SHTN1: variants seen among roughly 807,000 people sequenced by gnomAD.
The protein encoded by SHTN1 is shootin 1.
A neutral mutation model predicts 83.1 loss-of-function variants in SHTN1; 42 were observed. The ratio of observed to expected loss-of-function variants is 0.51; its 90% CI spans 0.39 to 0.65. The LOEUF (loss-of-function observed/expected upper bound fraction) is 0.65, where lower values mean the gene tolerates loss of function less well. SHTN1 is among the 30% of genes least tolerant of loss of function. The probability of loss-of-function intolerance (pLI) is 0.00; values close to 1 mark genes in which losing one functional copy is unlikely to be tolerated. For missense variants in SHTN1, 622 were observed against 737.8 expected, an observed-to-expected ratio of 0.84 and a Z score of 1.82; for synonymous variants, 224 against 247.7, an observed-to-expected ratio of 0.90 and a Z score of 0.90.
intron 16 of SHTN1, among the ~76,000 whole-genome samples, chr10:116,891,584 T>C (rs1303340613): frequency 1.3e-5 from 2 of 152,252 alleles, no homozygotes; most frequent in African/African-American, 4.8e-5. Flanking sequence ...CCTTTTATAT[T>C]TTCTCTGGTG....
intron 1 of SHTN1, among the ~76,000 whole-genome samples, chr10:117,094,321 C>A (rs1853476538): frequency 6.6e-6 from 1 of 152,178 alleles, no homozygotes; most frequent in African/African-American, 2.4e-5. Flanking sequence ...ATTGATATAT[C>A]ATCAGCACTG....
At chr10:116,971,353 T>C (rs1470268069) in intron 2 of SHTN1, among the ~76,000 whole-genome samples, 2 of 152,248 alleles carry the variant, frequency 1.3e-5, no homozygotes, top group African/African-American at 2.4e-5. Context: ...ATATAGTCTG[T>C]AGTTTCAGCT....
In SHTN1 at chr10:117,097,028, T is replaced by TACAC. The variant is rs1472242175; in HGVS notation, c.-189+29278_-189+29279insGTGT. 7.0e-3 allele frequency among the ~76,000 whole-genome samples: 687 copies of TACAC among 98,532 alleles called. 23 individuals carry two copies. The highest frequency in any genetic ancestry group is 0.068 in the Admixed American group (626 of 9,228). 64.6% of individuals were successfully genotyped at this position (98,532 alleles called of 152,430 possible). ...GCACGCGCGCGCACACACACACACA[T>TACAC]AGACACACACACACACACACACACA... is the stretch of plus-strand genomic sequence containing the variant. On this transcript the variant is annotated intron_variant, in intron 1 of 17. Transcript: ENST00000392901.
intron 1 of SHTN1, among the ~76,000 whole-genome samples, chr10:117,121,516 T>C (rs1589940974): frequency 6.7e-6 from 1 of 149,124 alleles, no homozygotes; most frequent in Non-Finnish European, 1.5e-5. Context: ...GAGACGGAGG[T>C]TGCAGTGAGC....
At chr10:117,043,121 A>ATATTTATTTATTTATT (rs71013634) in intron 2 of SHTN1, among the ~76,000 whole-genome samples, 2 of 147,844 alleles carry the variant, frequency 1.4e-5, no homozygotes, top group Non-Finnish European at 1.5e-5. Context: ...GTGGATCTTT[A>ATATTTATTTATTTATT]TATTTATTTA....
chr10:117,025,547 G>A (rs1852322810), intron 2 of SHTN1, among the ~76,000 whole-genome samples: 1 of 152,090 alleles, frequency 6.6e-6, no homozygotes, highest in Admixed American at 6.6e-5. Flanking sequence ...GGGGTTGAGG[G>A]ACACACAACC....
Position 116,882,452 on chromosome 10 carries a change from G to T in SHTN1, c.*3892C>A, listed in dbSNP as rs1237748061. 2 of 148,382 alleles carry T rather than the reference G, an allele frequency of 1.3e-5. No homozygotes were observed. Among genetic ancestry groups the T allele is most frequent in the African/African-American group, 5.0e-5 (2 of 40,290 alleles). 9.2% of individuals were successfully genotyped at this position (148,382 alleles called of 1,614,324 possible). The stretch of plus-strand genomic sequence containing the variant: ...TATCCATTGCCTGAATTGCTCTTTT[G>T]TAAGCCAGTGTTGGGATTATAGCAG... On this transcript the variant is annotated 3_prime_UTR_variant, in exon 17 of 17. Coordinates refer to ENST00000355371, the MANE Select transcript of SHTN1 (RefSeq NM_001127211.3).
chr10:117,109,554 T>C (rs1411506602), intron 1 of SHTN1, among the ~76,000 whole-genome samples: 1 of 32,608 alleles, frequency 3.1e-5, no homozygotes, highest in Non-Finnish European at 5.7e-5. Context: ...CATATATTAC[T>C]TTTTTTTTTT....
At chr10:116,989,552 C>T (rs1202697789) in intron 1 of SHTN1, among the ~76,000 whole-genome samples, 2 of 152,170 alleles carry the variant, frequency 1.3e-5, no homozygotes, top group Non-Finnish European at 2.9e-5. Context: ...CCCCCTCGTT[C>T]CTGCCTAAAA....
In SHTN1 at chr10:116,886,417, T is replaced by C. The variant is rs1320110415; in HGVS notation, c.1823A>G (p.Glu608Gly). 1 of 1,601,352 alleles carries C rather than the reference T, an allele frequency of 6.2e-7. No homozygotes were observed. The highest frequency in any genetic ancestry group is 8.5e-7 in the Non-Finnish European group (1 of 1,172,606). ...TTTGTTTTCTGGTTGAATTTCGCCT[T>C]CATCCTCCTTGTGTTGAGTTGGATC... Reference protein sequence around the residue: ...EKDPTQHKEDEGEIQPENKED... With the variant: ...EKDPTQHKEDGGEIQPENKED... The change falls in exon 17 of 17, where the codon GAA becomes GGA. Residue 608 changes from glutamate to glycine, a missense_variant. By Grantham distance (98) the Glu-to-Gly change is moderately conservative. Coordinates refer to ENST00000355371, the MANE Select transcript of SHTN1 (RefSeq NM_001127211.3).
intron 1 of SHTN1, among the ~76,000 whole-genome samples, chr10:117,100,824 G>C (rs1315936929): frequency 6.6e-6 from 1 of 152,214 alleles, no homozygotes; most frequent in Non-Finnish European, 1.5e-5. Flanking sequence ...AAGCATCTGA[G>C]GAAGCAGAAA....
At chr10:116,916,695 A>G (rs1848396075) in intron 12 of SHTN1, among the ~76,000 whole-genome samples, 1 of 152,144 alleles carries the variant, frequency 6.6e-6, no homozygotes, top group African/African-American at 2.4e-5. Context: ...ACTCCATTCC[A>G]ACCCTGGGTA....
At chr10:117,114,409 G>C (rs985616914) in intron 1 of SHTN1, among the ~76,000 whole-genome samples, 2 of 152,100 alleles carry the variant, frequency 1.3e-5, no homozygotes, top group African/African-American at 4.8e-5. Context: ...GAGGGGTTGG[G>C]GGCAGCCTGC....
chr10:116,949,123 T>C (rs551129163), intron 6 of SHTN1, 126 bp from the exon 7 acceptor site: 2 of 1,095,998 alleles, frequency 1.8e-6, no homozygotes, highest in South Asian at 2.3e-5. Flanking sequence ...AGAAATTGGT[T>C]TCAATGTGTT....
upstream of SHTN1, among the ~76,000 whole-genome samples, chr10:117,007,554 C>CAAAAA (rs35941784): frequency 6.1e-5 from 1 of 16,372 alleles, no homozygotes; most frequent in Non-Finnish European, 1.2e-4. Context: ...GACTCCATCT[C>CAAAAA]AAAAAAAAAA....
chr10:117,112,484 A>AAG (rs1853782160), intron 1 of SHTN1, among the ~76,000 whole-genome samples: 1 of 152,362 alleles, frequency 6.6e-6, no homozygotes, highest in South Asian at 2.1e-4. Flanking sequence ...TTAAGACCTT[A>AAG]CAACGCTTTA....
chr10:116,926,671 GTGTGA>G (rs1460737171), intron 11 of SHTN1, among the ~76,000 whole-genome samples: 1 of 151,294 alleles, frequency 6.6e-6, no homozygotes, highest in African/African-American at 2.4e-5. Flanking sequence ...TGGCCTCTCT[GTGTGA>G]AAGGATTAAA....
chr10:116,915,817 C>T (rs1290782565), intron 12 of SHTN1, among the ~76,000 whole-genome samples: 1 of 152,146 alleles, frequency 6.6e-6, no homozygotes, highest in Non-Finnish European at 1.5e-5. Context: ...TGTGCCTAAT[C>T]CCAAATAATC....
chr10:116,961,520 T>C (rs1429398536), intron 3 of SHTN1, among the ~76,000 whole-genome samples: 1 of 151,936 alleles, frequency 6.6e-6, no homozygotes, highest in East Asian at 1.9e-4. Context: ...GAGTGGCATC[T>C]AATTATGACT....
Sources: gnomAD v4.1 joint callset for allele counts (sites outside exome capture counted in the v4.1 genomes callset) on GRCh38, gnomAD v4.1.1 for gene constraint, MANE v1.5 for transcripts, NCBI Gene and HGNC (gene_info 2026-07-23, HGNC 2026-07-21) for gene names.